The following ATXN1 variants were observed in gnomAD, a reference collection of about 807,000 sequenced individuals.
The protein encoded by ATXN1 is ataxin-1.
ATXN1 carries 8 observed loss-of-function variants against 56.4 expected under a neutral mutation model. The ratio of observed to expected loss-of-function variants is 0.14; its 90% CI spans 0.08 to 0.26. The LOEUF (loss-of-function observed/expected upper bound fraction) is 0.26, where lower values mean the gene tolerates loss of function less well. Among genes scored for constraint, ATXN1 ranks in the 10% least tolerant of loss-of-function variants. The pLI is 1.00. For synonymous variants in ATXN1, 514 were observed against 494.6 expected, an observed-to-expected ratio of 1.04 and a Z score of -0.52; for missense variants, 987 against 1,106.5, an observed-to-expected ratio of 0.89 and a Z score of 1.53.
intron 6 of ATXN1, among the ~76,000 whole-genome samples, chr6:16,364,690 C>T (rs893155577): frequency 3.3e-5 from 5 of 152,154 alleles, no homozygotes; most frequent in African/African-American, 1.2e-4. Context: ...GGGACCCAGG[C>T]ATTGAGCCCA....
chr6:16,347,265 T>C (rs553902689), intron 6 of ATXN1, among the ~76,000 whole-genome samples: 100 of 152,166 alleles, frequency 6.6e-4, no homozygotes, highest in African/African-American at 2.3e-3. Context: ...ACTGCCTCTG[T>C]GAAGATCCAC....
At chr6:16,371,447 T>C (rs942655530) in intron 6 of ATXN1, among the ~76,000 whole-genome samples, 4 of 152,178 alleles carry the variant, frequency 2.6e-5, no homozygotes, top group African/African-American at 9.7e-5. Flanking sequence ...TTAACACTAG[T>C]TCCATTTCAG....
chr6:16,320,638 G>GGGCTGTCCCAGCGGGCAC (rs1193115688), intron 7 of ATXN1, among the ~76,000 whole-genome samples: 2 of 152,258 alleles, frequency 1.3e-5, no homozygotes, highest in African/African-American at 4.8e-5. Flanking sequence ...ATCCTGGGCA[G>GGGCTGTCCCAGCGGGCAC]GGCTGTCCCA....
intron 2 of ATXN1, among the ~76,000 whole-genome samples, chr6:16,733,378 T>C (rs1393502758): frequency 4.6e-5 from 7 of 151,424 alleles, no homozygotes; most frequent in Non-Finnish European, 7.4e-5. Context: ...TTTGGCAACA[T>C]AGCAAGACCC....
At chr6:16,400,913 G>A (rs752000776) in intron 6 of ATXN1, among the ~76,000 whole-genome samples, 2 of 152,116 alleles carry the variant, frequency 1.3e-5, no homozygotes, top group Admixed American at 6.5e-5. Flanking sequence ...GGGCCAATCC[G>A]TGGAAATGAA....
At chr6:16,722,562 G>A (rs773196305) in intron 2 of ATXN1, among the ~76,000 whole-genome samples, 4 of 152,020 alleles carry the variant, frequency 2.6e-5, no homozygotes, top group East Asian at 3.8e-4. Flanking sequence ...TCTCACTATC[G>A]CTTTTCTGGG....
At chr6:16,336,058 TATTG>T (rs751423276) in intron 6 of ATXN1, among the ~76,000 whole-genome samples, 11 of 152,244 alleles carry the variant, frequency 7.2e-5, no homozygotes, top group Admixed American at 2.0e-4. Context: ...ATCTTCCATT[TATTG>T]ATTACTTATT....
intron 7 of ATXN1, among the ~76,000 whole-genome samples, chr6:16,318,235 G>A (rs1173310240): frequency 1.3e-5 from 2 of 152,190 alleles, no homozygotes; most frequent in Non-Finnish European, 2.9e-5. Context: ...AAATTGCGAA[G>A]GGCATCTGTT....
intron 3 of ATXN1, among the ~76,000 whole-genome samples, chr6:16,620,236 T>TTC (rs67943406): frequency 1.7e-4 from 25 of 146,604 alleles, no homozygotes; most frequent in Admixed American, 2.8e-4. Flanking sequence ...CACATACATA[T>TTC]TCTCTCTCTC....
At chr6:16,716,993 A>G (rs943531606) in intron 2 of ATXN1, among the ~76,000 whole-genome samples, 1 of 152,250 alleles carries the variant, frequency 6.6e-6, no homozygotes, top group African/African-American at 2.4e-5. Context: ...CAAGAACTTG[A>G]CAACGGGGAA....
intron 4 of ATXN1, among the ~76,000 whole-genome samples, chr6:16,563,982 G>C (rs967656648): frequency 6.6e-6 from 1 of 152,172 alleles, no homozygotes; most frequent in Non-Finnish European, 1.5e-5. Context: ...ACAGGTGTAT[G>C]ATCTGGGATC....
chr6:16,648,633 G>A (rs1270082334), intron 3 of ATXN1, among the ~76,000 whole-genome samples: 2 of 152,162 alleles, frequency 1.3e-5, no homozygotes, highest in African/African-American at 4.8e-5. Context: ...GCAAAGATCA[G>A]GACAGACAAA....
intron 6 of ATXN1, among the ~76,000 whole-genome samples, chr6:16,408,874 GGGACTACAT>G (rs1208258669): frequency 1.1e-4 from 17 of 152,312 alleles, no homozygotes; most frequent in Admixed American, 7.8e-4. Context: ...CTGAGTAGCT[GGGACTACAT>G]GGATGAGCCA....
At chr6:16,356,672 A>C (rs1169333990) in intron 6 of ATXN1, among the ~76,000 whole-genome samples, 1 of 152,204 alleles carries the variant, frequency 6.6e-6, no homozygotes, top group Admixed American at 6.5e-5. Context: ...AAGCCGTTTG[A>C]AATTCTTTGG....
At chr6:16,484,017 T>A (rs1221135081) in intron 6 of ATXN1, among the ~76,000 whole-genome samples, 1 of 152,194 alleles carries the variant, frequency 6.6e-6, no homozygotes, top group Non-Finnish European at 1.5e-5. Flanking sequence ...CCCACAATTA[T>A]TCCTTGATAG....
chr6:16,645,150 G>A (rs975091196), intron 3 of ATXN1, among the ~76,000 whole-genome samples: 3 of 152,162 alleles, frequency 2.0e-5, no homozygotes, highest in Non-Finnish European at 4.4e-5. Flanking sequence ...AATAAACGTG[G>A]GTTCCACCAG....
At chr6:16,629,632 T>C (rs12177565) in intron 3 of ATXN1, among the ~76,000 whole-genome samples, 1,538 of 152,176 alleles carry the variant, frequency 0.01, 31 homozygotes, top group African/African-American at 0.035. Context: ...TATATATATT[T>C]CGGCCAGGCA....
intron 6 of ATXN1, among the ~76,000 whole-genome samples, chr6:16,337,427 A>G (rs1761148624): frequency 6.6e-6 from 1 of 152,226 alleles, no homozygotes; most frequent in Admixed American, 6.5e-5. Context: ...CATCCCTAGA[A>G]GCCGGCTCAC....
intron 6 of ATXN1, among the ~76,000 whole-genome samples, chr6:16,432,022 G>C (rs1383497695): frequency 2.0e-5 from 3 of 152,240 alleles, no homozygotes; most frequent in Non-Finnish European, 4.4e-5. Context: ...GAGAGTGATG[G>C]AAATGGTGGA....
Sources: gnomAD v4.1 joint callset for allele counts (sites outside exome capture counted in the v4.1 genomes callset) on GRCh38, gnomAD v4.1.1 for gene constraint, MANE v1.5 for transcripts, NCBI Gene and HGNC (gene_info 2026-07-23, HGNC 2026-07-21) for gene names.